The following CACNA2D3 variants were observed in gnomAD, a reference collection of about 807,000 sequenced individuals.
CACNA2D3 encodes calcium voltage-gated channel auxiliary subunit alpha2delta 3.
In CACNA2D3, 60 loss-of-function variants were observed where a neutral mutation model predicts 160.6. That is an observed-to-expected ratio of 0.37 (90% CI 0.30 to 0.46). CACNA2D3 has a LOEUF of 0.46. Ranked by LOEUF, CACNA2D3 falls within the 20% of genes least tolerant of loss-of-function variation. The probability of loss-of-function intolerance (pLI) is 1.00; values close to 1 mark genes in which losing one functional copy is unlikely to be tolerated. For synonymous variants in CACNA2D3, 558 were observed against 492.9 expected, an observed-to-expected ratio of 1.13 and a Z score of -1.75; for missense variants, 1,205 against 1,365.0, an observed-to-expected ratio of 0.88 and a Z score of 1.85.
intron 5 of CACNA2D3, among the ~76,000 whole-genome samples, chr3:54,555,574 A>G (rs1304624109): frequency 6.6e-6 from 1 of 152,242 alleles, no homozygotes; most frequent in East Asian, 1.9e-4. Context: ...GGCGCTCTTC[A>G]CATACAAATT....
chr3:54,762,873 C>T (rs939380015), intron 12 of CACNA2D3, among the ~76,000 whole-genome samples: 10 of 152,032 alleles, frequency 6.6e-5, no homozygotes, highest in Admixed American at 6.6e-5. Context: ...AGGCGGATCA[C>T]GAGGTCAGGA....
At chr3:54,788,455 C>T (rs1243099485) in intron 13 of CACNA2D3, among the ~76,000 whole-genome samples, 1 of 152,176 alleles carries the variant, frequency 6.6e-6, no homozygotes, top group African/African-American at 2.4e-5. Flanking sequence ...TGGTAATTAC[C>T]TTCCTCTTAG....
At chr3:54,271,513 A>G (rs1211908119) in intron 2 of CACNA2D3, among the ~76,000 whole-genome samples, 1 of 152,260 alleles carries the variant, frequency 6.6e-6, no homozygotes, top group South Asian at 2.1e-4. Flanking sequence ...AAAGACATCT[A>G]TAGAAGAGCC....
intron 2 of CACNA2D3, among the ~76,000 whole-genome samples, chr3:54,159,607 G>T (rs1700305610): frequency 6.6e-6 from 1 of 152,124 alleles, no homozygotes; most frequent in South Asian, 2.1e-4. Flanking sequence ...AGATATGGAA[G>T]CAATTATGAC....
At chr3:54,886,131 G>A (rs573778225) in intron 23 of CACNA2D3, among the ~76,000 whole-genome samples, 38 of 152,312 alleles carry the variant, frequency 2.5e-4, no homozygotes, top group Non-Finnish European at 4.7e-4. Context: ...AGCCCTGGAT[G>A]TCCCTCAAAA....
At chr3:55,036,046 G>C (rs186831857) in intron 35 of CACNA2D3, among the ~76,000 whole-genome samples, 32 of 152,336 alleles carry the variant, frequency 2.1e-4, no homozygotes, top group African/African-American at 7.7e-4. Context: ...CTGATGTGGT[G>C]TTAACAAGTA....
intron 4 of CACNA2D3, among the ~76,000 whole-genome samples, chr3:54,499,562 G>A (rs564133639): frequency 6.6e-6 from 1 of 151,766 alleles, no homozygotes; most frequent in Non-Finnish European, 1.5e-5. Context: ...AAATTTCCTT[G>A]TAAGCTTTGC....
At chr3:54,289,854 T>C (rs1192870691) in intron 2 of CACNA2D3, among the ~76,000 whole-genome samples, 3 of 152,050 alleles carry the variant, frequency 2.0e-5, no homozygotes, top group Non-Finnish European at 4.4e-5. Context: ...TGGCTAGCCA[T>C]ATGTAGAAAG....
chr3:54,512,489 A>C (rs183258265), intron 5 of CACNA2D3, among the ~76,000 whole-genome samples: 1 of 152,318 alleles, frequency 6.6e-6, no homozygotes, highest in East Asian at 1.9e-4. Context: ...TATGCCTGGG[A>C]ATATCTCTGA....
In CACNA2D3 at chr3:54,938,254, A is replaced by G. The variant is rs139654308; in HGVS notation, c.2450-30196A>G. Among the ~76,000 whole-genome samples, 55 of 152,290 alleles carry G rather than the reference A, an allele frequency of 3.6e-4. No individual in the cohort carries two copies. In the East Asian group the frequency reaches 8.9e-3, roughly 25 times the overall value. Reference sequence around the variant, plus strand: ...ATGGGACGTAACATTTCCTCCTGTGAGTTTGTGTATATGTTAGTGCAGATG... The same window carrying G: ...ATGGGACGTAACATTTCCTCCTGTGGGTTTGTGTATATGTTAGTGCAGATG... On this transcript the variant is annotated intron_variant, in intron 27 of 37. Coordinates refer to ENST00000474759, the MANE Select transcript of CACNA2D3 (RefSeq NM_018398.3).
At chr3:54,596,630 G>C (rs986343729) in intron 9 of CACNA2D3, among the ~76,000 whole-genome samples, 3 of 151,910 alleles carry the variant, frequency 2.0e-5, no homozygotes, top group African/African-American at 7.3e-5. Context: ...CTCATCTCTT[G>C]CTAGTATGAC....
chr3:54,865,179 A>G (rs1699371567), intron 17 of CACNA2D3, among the ~76,000 whole-genome samples: 1 of 152,238 alleles, frequency 6.6e-6, no homozygotes. Flanking sequence ...TGAAAACAGT[A>G]ACTGATTCAA....
chr3:54,855,120 C>G (rs1699140392), intron 17 of CACNA2D3, among the ~76,000 whole-genome samples: 1 of 152,210 alleles, frequency 6.6e-6, no homozygotes, highest in Non-Finnish European at 1.5e-5. Flanking sequence ...GGATGCCCAC[C>G]TGTATGGAAC....
intron 2 of CACNA2D3, among the ~76,000 whole-genome samples, chr3:54,310,402 A>T (rs1177992348): frequency 6.6e-6 from 1 of 152,212 alleles, no homozygotes; most frequent in Non-Finnish European, 1.5e-5. Context: ...TAAGAAAACG[A>T]CGCTGTCTGT....
intron 10 of CACNA2D3, among the ~76,000 whole-genome samples, chr3:54,641,162 T>C (rs1699511090): frequency 6.6e-6 from 1 of 152,160 alleles, no homozygotes; most frequent in African/African-American, 2.4e-5. Context: ...GCCTAAGTTG[T>C]GGTCATGTTA....
intron 11 of CACNA2D3, among the ~76,000 whole-genome samples, chr3:54,717,453 A>G (rs1410946896): frequency 2.6e-5 from 4 of 152,174 alleles, no homozygotes; most frequent in Admixed American, 2.6e-4. Flanking sequence ...TATCTTTGCC[A>G]ACGTTTGCAA....
chr3:54,969,927 T>TA, intron 29 of CACNA2D3, 83 bp downstream of exon 29: 2 of 1,197,798 alleles, frequency 1.7e-6, no homozygotes, highest in Non-Finnish European at 1.2e-6. Flanking sequence ...AATGCCCTTA[T>TA]AAACAAGGCC....
At chr3:55,065,017 A>G (rs1482689214) in intron 35 of CACNA2D3, among the ~76,000 whole-genome samples, 1 of 152,212 alleles carries the variant, frequency 6.6e-6, no homozygotes, top group African/African-American at 2.4e-5. Context: ...GTTAAATAAC[A>G]GAGGAGAGTG....
At chr3:54,580,536 C>T (rs1702657839) in intron 8 of CACNA2D3, among the ~76,000 whole-genome samples, 1 of 152,124 alleles carries the variant, frequency 6.6e-6, no homozygotes. Flanking sequence ...AGAGATGGTT[C>T]TGTTCTCTTC....
Sources: gnomAD v4.1 joint callset for allele counts (sites outside exome capture counted in the v4.1 genomes callset) on GRCh38, gnomAD v4.1.1 for gene constraint, MANE v1.5 for transcripts, NCBI Gene and HGNC (gene_info 2026-07-23, HGNC 2026-07-21) for gene names.